FSTL5: variants seen among roughly 807,000 people sequenced by gnomAD.
FSTL5 encodes follistatin like 5, also known as follistatin-related protein 5.
A neutral mutation model predicts 89.1 loss-of-function variants in FSTL5; 62 were observed. The observed-to-expected ratio is 0.70, with a 90% CI of 0.57 to 0.86. FSTL5 has a LOEUF of 0.86. FSTL5 is among the 40% of genes least tolerant of loss of function. The pLI is 0.00. For missense variants in FSTL5, 1,057 were observed against 1,001.6 expected (o/e 1.06, Z -0.75); for synonymous variants, 383 against 346.2 (o/e 1.11, Z -1.18).
At chr4:161,822,292 G>C (rs551311145) in intron 4 of FSTL5, among the ~76,000 whole-genome samples, 17 of 152,242 alleles carry the variant, frequency 1.1e-4, no homozygotes, top group African/African-American at 3.9e-4. Flanking sequence ...GGCCTATTGG[G>C]CTTGTTCCGC....
chr4:161,862,107 A>G (rs1731935738), intron 4 of FSTL5, among the ~76,000 whole-genome samples: 2 of 152,212 alleles, frequency 1.3e-5, no homozygotes, highest in African/African-American at 4.8e-5. Flanking sequence ...AAAACTCTGT[A>G]TTTATAGATA....
intron 6 of FSTL5, among the ~76,000 whole-genome samples, chr4:161,749,652 C>T (rs1391471994): frequency 1.3e-5 from 2 of 151,936 alleles, no homozygotes; most frequent in African/African-American, 4.8e-5. Context: ...AATAGCCGGG[C>T]ATGGTGGCAG....
intron 2 of FSTL5, among the ~76,000 whole-genome samples, chr4:162,089,807 T>C (rs928166974): frequency 1.3e-5 from 2 of 152,154 alleles, no homozygotes; most frequent in African/African-American, 4.8e-5. Context: ...TAACCAATGC[T>C]TGATAAAAAT....
chr4:161,767,654 A>C (rs1203353927), intron 5 of FSTL5, among the ~76,000 whole-genome samples: 1 of 152,178 alleles, frequency 6.6e-6, no homozygotes, highest in Non-Finnish European at 1.5e-5. Context: ...AAGCTAAGGT[A>C]GAGATTTCAC....
intron 2 of FSTL5, chr4:162,041,951 G>A (rs1316915929): frequency 6.6e-6 from 1 of 152,082 alleles, no homozygotes; most frequent in African/African-American, 2.4e-5. Flanking sequence ...AGGAATTTGA[G>A]ACCAGCCTGA....
Position 161,920,595 on chromosome 4 carries a change from C to T in FSTL5, c.218G>A (p.Gly73Glu), listed in dbSNP as rs771920941. The change falls in exon 4 of 16, where the codon GGA becomes GAA. Residue 73 changes from glycine (G) to glutamate (E), a missense_variant. Around this residue, in one of 3 missense-constraint regions of FSTL5, gnomAD observed 980 missense variants for 903.2 expected, o/e 1.08. Transcript: ENST00000306100. ...GSCENKYCGLGRHCVTSRETG... is the reference protein window; with the variant it reads ...GSCENKYCGLERHCVTSRETG... The stretch of plus-strand genomic sequence containing the variant: ...CTCTCTGCTGGTAACACAGTGTCTT[C>T]CCAAACCACAGTACTTATTTTCACA... 1 of 1,613,720 alleles carries T rather than the reference C, an allele frequency of 6.2e-7. No homozygotes were observed. The highest frequency in any genetic ancestry group is 1.1e-5 in the South Asian group (1 of 91,064).
chr4:161,652,988 A>C (rs1002692956), intron 7 of FSTL5, among the ~76,000 whole-genome samples: 2 of 152,180 alleles, frequency 1.3e-5, no homozygotes, highest in African/African-American at 4.8e-5. Flanking sequence ...AAGTCTTTCA[A>C]CACATCAGAA....
intron 6 of FSTL5, among the ~76,000 whole-genome samples, chr4:161,686,239 T>C (rs2126713796): frequency 6.8e-6 from 1 of 146,220 alleles, no homozygotes; most frequent in Non-Finnish European, 1.5e-5. Context: ...CTTCTCCTGG[T>C]TTTGGTATTA....
intron 6 of FSTL5, among the ~76,000 whole-genome samples, chr4:161,757,929 T>C (rs975215180): frequency 1.3e-5 from 2 of 152,164 alleles, no homozygotes; most frequent in African/African-American, 4.8e-5. Flanking sequence ...AATGCTGCTT[T>C]CATTTTATCA....
At chr4:162,069,036 A>T (rs769764689) in intron 2 of FSTL5, among the ~76,000 whole-genome samples, 9 of 152,246 alleles carry the variant, frequency 5.9e-5, no homozygotes, top group African/African-American at 7.2e-5. Flanking sequence ...TTAAAAGGTC[A>T]AGAAACAACA....
intron 6 of FSTL5, among the ~76,000 whole-genome samples, chr4:161,676,801 G>C (rs1737321881): frequency 6.6e-6 from 1 of 150,716 alleles, no homozygotes; most frequent in Middle Eastern, 3.4e-3. Flanking sequence ...AAAAATAATT[G>C]CTTTCCTTGA....
chr4:162,111,232 T>C (rs768486872), intron 2 of FSTL5, 39 bp downstream of exon 2: 3 of 1,473,724 alleles, frequency 2.0e-6, no homozygotes, highest in Non-Finnish European at 2.7e-6. Flanking sequence ...AGTTTATAAT[T>C]GGCAGGCACT....
At chr4:161,914,858 T>C (rs1424756968) in intron 4 of FSTL5, among the ~76,000 whole-genome samples, 4 of 152,224 alleles carry the variant, frequency 2.6e-5, no homozygotes, top group Admixed American at 2.6e-4. Context: ...TCTTATTGTG[T>C]TCTTCTGTTG....
At chr4:161,391,722 T>C (rs1730829831) in intron 15 of FSTL5, among the ~76,000 whole-genome samples, 1 of 152,200 alleles carries the variant, frequency 6.6e-6, no homozygotes, top group Non-Finnish European at 1.5e-5. Context: ...ACATTCATGT[T>C]TGTGAGAGGG....
At chr4:161,822,962 G>A (rs1730539092) in intron 4 of FSTL5, among the ~76,000 whole-genome samples, 1 of 152,152 alleles carries the variant, frequency 6.6e-6, no homozygotes, top group Non-Finnish European at 1.5e-5. Context: ...CTGTACCACA[G>A]GCAGGCTATC....
At chr4:162,156,624 A>C (rs1733484268) in intron 1 of FSTL5, among the ~76,000 whole-genome samples, 1 of 152,168 alleles carries the variant, frequency 6.6e-6, no homozygotes, top group Non-Finnish European at 1.5e-5. Flanking sequence ...CCATTATCCT[A>C]AGCAAATTAA....
At chr4:161,629,280 T>C (rs532811683) in intron 7 of FSTL5, among the ~76,000 whole-genome samples, 3 of 152,302 alleles carry the variant, frequency 2.0e-5, no homozygotes, top group Admixed American at 2.0e-4. Context: ...AACATAATTT[T>C]ACTAGTAAGG....
chr4:161,783,850 C>T (rs1223179551), intron 4 of FSTL5, among the ~76,000 whole-genome samples: 1 of 149,360 alleles, frequency 6.7e-6, no homozygotes, highest in African/African-American at 2.5e-5. Context: ...ACTGCAACCT[C>T]TGCCCCTTGG....
intron 6 of FSTL5, among the ~76,000 whole-genome samples, chr4:161,670,427 T>C (rs887815707): frequency 6.6e-6 from 1 of 152,212 alleles, no homozygotes; most frequent in Non-Finnish European, 1.5e-5. Context: ...TGACACATTA[T>C]TTGCTCTGTC....
Sources: allele counts gnomAD v4.1 joint callset (sites outside exome capture counted in the v4.1 genomes callset), GRCh38; gene constraint gnomAD v4.1.1; regional missense constraint gnomAD v4.1.1; transcripts MANE v1.5; gene names NCBI Gene and HGNC (gene_info 2026-07-23, HGNC 2026-07-21).